RUNX1: variants seen among roughly 807,000 people sequenced by gnomAD.
The protein encoded by RUNX1 is RUNX family transcription factor 1, also known as runt-related transcription factor 1.
Under a neutral mutation model 42.8 loss-of-function variants are expected in RUNX1, and 19 were observed. That is an observed-to-expected ratio of 0.44 (90% CI 0.31 to 0.65). The LOEUF (loss-of-function observed/expected upper bound fraction) is 0.65. Ranked by LOEUF, RUNX1 falls within the 30% of genes least tolerant of loss-of-function variation. The pLI is 0.07. For synonymous variants in RUNX1, 271 were observed against 289.4 expected (o/e 0.94, Z 0.64); for missense variants, 528 against 672.0 (o/e 0.79, Z 2.37).
chr21:35,043,105 T>G (rs1178271122), intron 2 of RUNX1, among the ~76,000 whole-genome samples: 1 of 152,010 alleles, frequency 6.6e-6, no homozygotes, highest in Non-Finnish European at 1.5e-5. Flanking sequence ...TGACAGGAGG[T>G]TTTGAGCCCT....
At chr21:35,021,388 A>AT (rs951581637) in intron 2 of RUNX1, among the ~76,000 whole-genome samples, 1 of 152,136 alleles carries the variant, frequency 6.6e-6, no homozygotes, top group Non-Finnish European at 1.5e-5. Context: ...CTAGGTGCTG[A>AT]TTTTTTTCTC....
In RUNX1 at chr21:34,980,729, T is replaced by C. The variant is rs549396282; in HGVS notation, c.58+68113A>G. 2.0e-5 allele frequency among the ~76,000 whole-genome samples: 3 copies of C among 152,358 alleles called. No individual in the cohort carries two copies. The East Asian group carries it at 5.8e-4, about 29-fold the overall frequency. ...CAGAAAAACTATCAAGACACTGTGATTGTGTGCCAGTGAACAGCCGTTTCC... is the reference window on the plus strand; with the variant it reads ...CAGAAAAACTATCAAGACACTGTGACTGTGTGCCAGTGAACAGCCGTTTCC... On this transcript the variant is annotated intron_variant, in intron 2 of 8. Transcript: ENST00000675419.
At chr21:34,818,960 G>A (rs1221545844) in intron 7 of RUNX1, among the ~76,000 whole-genome samples, 1 of 152,184 alleles carries the variant, frequency 6.6e-6, no homozygotes, top group Non-Finnish European at 1.5e-5. Context: ...TCCTAGGAAT[G>A]TGTCCAAGCT....
intron 2 of RUNX1, among the ~76,000 whole-genome samples, chr21:35,017,362 G>A (rs932493901): frequency 6.6e-6 from 1 of 152,162 alleles, no homozygotes; most frequent in African/African-American, 2.4e-5. Flanking sequence ...GGGGAGCTCC[G>A]AGTGAACAAA....
At position 34,993,852 on chromosome 21, in the gene RUNX1, C is replaced by T. The variant is rs543894491; in HGVS notation, c.58+54990G>A. Among the ~76,000 whole-genome samples, 14 of 152,044 alleles carry T rather than the reference C, an allele frequency of 9.2e-5. No homozygotes were observed. The East Asian group carries it at 2.3e-3, about 25-fold the overall frequency. On this transcript the variant is annotated intron_variant, in intron 2 of 8. Transcript: ENST00000675419. Reference sequence around the variant, plus strand: ...ACACACACACAGACACACACACACACGGGTATGTGACTGAGGAATGTGACA... The same window carrying T: ...ACACACACACAGACACACACACACATGGGTATGTGACTGAGGAATGTGACA...
At chr21:34,978,385 G>C (rs2058819689) in intron 2 of RUNX1, among the ~76,000 whole-genome samples, 1 of 152,106 alleles carries the variant, frequency 6.6e-6, no homozygotes, top group South Asian at 2.1e-4. Context: ...TAAATGAATG[G>C]AAATGTTGTT....
At chr21:34,889,560 C>T (rs996463976) in intron 3 of RUNX1, 136 of 647,814 alleles carry the variant, frequency 2.1e-4, no homozygotes, top group Non-Finnish European at 2.6e-4. Flanking sequence ...AGCGCCGGCA[C>T]CCGCAGCAGC....
chr21:34,939,227 T>C (rs1007016093), intron 2 of RUNX1, among the ~76,000 whole-genome samples: 1 of 152,232 alleles, frequency 6.6e-6, no homozygotes, highest in African/African-American at 2.4e-5. Flanking sequence ...AGAAATAGAA[T>C]GTGATACTTT....
chr21:35,034,154 T>G (rs1484159548), intron 2 of RUNX1, among the ~76,000 whole-genome samples: 1 of 152,218 alleles, frequency 6.6e-6, no homozygotes, highest in African/African-American at 2.4e-5. Context: ...CTGTGTGACC[T>G]TGGATGAAAT....
intron 2 of RUNX1, among the ~76,000 whole-genome samples, chr21:35,006,618 AG>A (rs1383428030): frequency 6.6e-6 from 1 of 152,174 alleles, no homozygotes; most frequent in African/African-American, 2.4e-5. Flanking sequence ...GTTGTTACAT[AG>A]GAAGTGCTGG....
chr21:34,845,424 T>A (rs1201172029), intron 6 of RUNX1, among the ~76,000 whole-genome samples: 1 of 152,196 alleles, frequency 6.6e-6, no homozygotes, highest in Non-Finnish European at 1.5e-5. Context: ...GGTACACAAC[T>A]TCCCCCTGGC....
intron 2 of RUNX1, among the ~76,000 whole-genome samples, chr21:34,947,427 C>A (rs1029711109): frequency 6.6e-6 from 1 of 152,102 alleles, no homozygotes; most frequent in Non-Finnish European, 1.5e-5. Context: ...AACACCCACA[C>A]GCACACTCTT....
At chr21:34,820,216 G>T (rs1456661072) in intron 7 of RUNX1, among the ~76,000 whole-genome samples, 1 of 152,166 alleles carries the variant, frequency 6.6e-6, no homozygotes, top group Non-Finnish European at 1.5e-5. Flanking sequence ...GCATGGCTTT[G>T]AGGAGGATAT....
intron 4 of RUNX1, among the ~76,000 whole-genome samples, chr21:34,883,763 G>T (rs546260019): frequency 6.6e-6 from 1 of 152,054 alleles, no homozygotes; most frequent in Non-Finnish European, 1.5e-5. Context: ...GCCTGTTCAC[G>T]GTCCAAACTG....
intron 2 of RUNX1, among the ~76,000 whole-genome samples, chr21:34,913,619 C>T (rs913435365): frequency 6.6e-6 from 1 of 152,220 alleles, no homozygotes; most frequent in East Asian, 1.9e-4. Flanking sequence ...CTTTGCACCA[C>T]CCTATGCCAC....
rs897280004 is a variant in RUNX1 at position 34,930,097 on chromosome 21, AAAAT to A, written c.59-37138_59-37135del. Among the ~76,000 whole-genome samples the A allele has an allele frequency of 2.7e-3, 401 of 147,618 alleles. 1 individual carries two copies. Among genetic ancestry groups the A allele is most frequent in the African/African-American group, 8.9e-3 (358 of 40,246 alleles). On this transcript the variant is annotated intron_variant, in intron 2 of 8. Transcript: ENST00000675419. ...TATATCTCATAAAGATATATATTTA[AAAAT>A]AAATATATATATTTGAATTTAAATT...
chr21:34,824,268 T>C (rs1467263117), intron 7 of RUNX1, among the ~76,000 whole-genome samples: 1 of 152,182 alleles, frequency 6.6e-6, no homozygotes, highest in Non-Finnish European at 1.5e-5. Context: ...TCACCTGAAT[T>C]AGAGGTGGTA....
At chr21:34,833,762 T>C (rs1460292297) in intron 7 of RUNX1, 1 of 189,788 alleles carries the variant, frequency 5.3e-6, no homozygotes, top group Non-Finnish European at 1.1e-5. Flanking sequence ...ACAGTGTAAA[T>C]GAACTTCTTG....
At position 34,792,890 on chromosome 21, in the gene RUNX1, G is replaced by A. The variant is rs1000088995; in HGVS notation, c.968-280C>T. On this transcript the variant is annotated intron_variant, in intron 8 of 8. Transcript: ENST00000675419. This position sits in a 1 kb window ranked among gnomAD's most constrained non-coding sequence, Gnocchi z 6.9. ...AGCATGTCACCTCCCAAGAGGATGG[G>A]GACTACCCATGATGCTATGCCCAGG... 1.3e-5 allele frequency among the ~76,000 whole-genome samples: 2 copies of A among 151,688 alleles called. No homozygotes were observed. Among genetic ancestry groups the A allele is most frequent in the African/African-American group, 4.8e-5 (2 of 41,264 alleles).
Sources: allele counts gnomAD v4.1 joint callset (sites outside exome capture counted in the v4.1 genomes callset), GRCh38; gene constraint gnomAD v4.1.1; non-coding constraint Gnocchi (gnomAD v3.1); transcripts MANE v1.5; gene names NCBI Gene and HGNC (gene_info 2026-07-23, HGNC 2026-07-21).